The following AMZ2 variants were observed in gnomAD, a reference collection of about 807,000 sequenced individuals.
AMZ2 encodes the protein archaemetzincin-2.
Under a neutral mutation model 36.7 loss-of-function variants are expected in AMZ2, and 26 were observed. That is an observed-to-expected ratio of 0.71 (90% CI 0.52 to 0.98). AMZ2 has a LOEUF of 0.98. Ranked by LOEUF, AMZ2 falls within the 50% of genes least tolerant of loss-of-function variation. The pLI, the probability that AMZ2 is intolerant of heterozygous loss-of-function variation, is 0.00. For missense variants in AMZ2, 394 were observed against 430.5 expected, an observed-to-expected ratio of 0.92 and a Z score of 0.75; for synonymous variants, 144 against 149.1, an observed-to-expected ratio of 0.97 and a Z score of 0.25.
chr17:68,234,106 C>T (rs2073732726), intron 1 of AMZ2, among the ~76,000 whole-genome samples: 1 of 151,640 alleles, frequency 6.6e-6, no homozygotes, highest in Non-Finnish European at 1.5e-5. Context: ...CTGAGGCAGG[C>T]AGATCACCTG....
chr17:68,256,593 A>G (rs1555742888), intron 6 of AMZ2, among the ~76,000 whole-genome samples: 1 of 152,232 alleles, frequency 6.6e-6, no homozygotes, highest in Non-Finnish European at 1.5e-5. Context: ...ATCTTTTTTC[A>G]GTGCGTACTT....
At chr17:68,256,740 A>C (rs1555742955) in intron 6 of AMZ2, 74 bp from the exon 7 acceptor site, 1 of 1,503,706 alleles carries the variant, frequency 6.7e-7, no homozygotes, top group Non-Finnish European at 9.0e-7. Context: ...ATGATCTAGA[A>C]GCCAATGCTT....
intron 1 of AMZ2, among the ~76,000 whole-genome samples, chr17:68,236,473 A>T (rs546906004): frequency 2.0e-4 from 31 of 152,046 alleles, no homozygotes; most frequent in African/African-American, 7.5e-4. Context: ...GTAAATGCTC[A>T]TTGCAAAATA....
At chr17:68,226,327 G>A (rs1555729899) in intron 1 of AMZ2, among the ~76,000 whole-genome samples, 1 of 152,242 alleles carries the variant, frequency 6.6e-6, no homozygotes, top group African/African-American at 2.4e-5. Context: ...CTCTAACGTG[G>A]TTAGAATGGA....
At chr17:68,224,156 C>T (rs1305775674) in intron 1 of AMZ2, among the ~76,000 whole-genome samples, 7 of 152,228 alleles carry the variant, frequency 4.6e-5, no homozygotes, top group South Asian at 2.1e-4. Context: ...TTGGCCAGGC[C>T]GGTCTCGAAC....
chr17:68,240,447 T>C (rs1310963501), intron 1 of AMZ2, among the ~76,000 whole-genome samples: 1 of 152,006 alleles, frequency 6.6e-6, no homozygotes, highest in Admixed American at 6.6e-5. Flanking sequence ...AGAAAATAAT[T>C]GATGACCATA....
rs782014767 is a variant in AMZ2 at position 68,256,941 on chromosome 17, T to C, written c.1055T>C (p.Ile352Thr). The C allele has an allele frequency of 1.2e-6, 2 of 1,613,930 alleles. No individual in the cohort carries two copies. The highest frequency in any genetic ancestry group is 1.7e-6 in the Non-Finnish European group (2 of 1,179,968). ...TTTAAGGAATGGAAAGAGTGGATAATAAAATGCCTGGCTGTTCTCCAAAAA... is the reference window on the plus strand; with the variant it reads ...TTTAAGGAATGGAAAGAGTGGATAACAAAATGCCTGGCTGTTCTCCAAAAA... ...EAFKEWKEWI[I>T]KCLAVLQK is the part of the protein sequence containing the mutation. The change falls in exon 7 of 7, where the codon ATA (isoleucine) becomes ACA (threonine). Residue 352 changes from isoleucine (I) to threonine (T), a missense_variant. By Grantham distance (89) the Ile-to-Thr change is moderately conservative. Coordinates refer to ENST00000359904, the MANE Select transcript of AMZ2 (RefSeq NM_016627.5).
At chr17:68,206,741 A>G (rs1323822633) in intron 1 of AMZ2, 1 of 152,268 alleles carries the variant, frequency 6.6e-6, no homozygotes, top group Admixed American at 6.5e-5. Flanking sequence ...ACACAAACAC[A>G]CACAAAAACA....
chr17:68,222,658 A>G (rs2073398086), intron 1 of AMZ2, among the ~76,000 whole-genome samples: 1 of 152,220 alleles, frequency 6.6e-6, no homozygotes, highest in Non-Finnish European at 1.5e-5. Context: ...ATCATCGAGC[A>G]TTAGATTCTA....
chr17:68,248,346 C>T lies in AMZ2; in HGVS notation c.-360C>T. 1 of 986,092 alleles carries T rather than the reference C, an allele frequency of 1.0e-6. No individual in the cohort carries two copies. Among genetic ancestry groups the T allele is most frequent in the Non-Finnish European group, 1.2e-6 (1 of 830,146 alleles). 61.1% of individuals were successfully genotyped at this position (986,092 alleles called of 1,614,324 possible). ...CGAGAGTCCCTGGGGAACCCCCACTCCACTCCCAGCTGGAGACTGGGTTGT... is the reference window on the plus strand; with the variant it reads ...CGAGAGTCCCTGGGGAACCCCCACTTCACTCCCAGCTGGAGACTGGGTTGT... On this transcript the variant is annotated 5_prime_UTR_variant, in exon 1 of 7. Coordinates refer to ENST00000359904, the MANE Select transcript of AMZ2 (RefSeq NM_016627.5).
intron 1 of AMZ2, among the ~76,000 whole-genome samples, chr17:68,220,586 G>C (rs2073320648): frequency 6.6e-6 from 1 of 151,964 alleles, no homozygotes; most frequent in Admixed American, 6.6e-5. Context: ...TGGACACTTT[G>C]GGTGATAAGA....
chr17:68,248,328 C>T lies in AMZ2; in HGVS notation c.-378C>T, dbSNP rs562420622. On this transcript the variant is annotated 5_prime_UTR_variant, in exon 1 of 7. Coordinates refer to ENST00000359904, the MANE Select transcript of AMZ2 (RefSeq NM_016627.5). ...GGGGAAGAAGAGGCGAAGCGAGAGT[C>T]CCTGGGGAACCCCCACTCCACTCCC... 2.0e-6 allele frequency: 2 copies of T among 985,904 alleles called. No individual in the cohort carries two copies. The highest frequency in any genetic ancestry group is 3.5e-5 in the African/African-American group (2 of 57,244). The allele number at this position is 985,904 out of a possible 1,614,324, so 61.1% of individuals were successfully genotyped here.
At chr17:68,228,060 C>T (rs2144583040) in intron 1 of AMZ2, among the ~76,000 whole-genome samples, 1 of 152,240 alleles carries the variant, frequency 6.6e-6, no homozygotes, top group East Asian at 1.9e-4. Flanking sequence ...GCCTCCACTG[C>T]CCGTTTGCTG....
Position 68,248,172 on chromosome 17 carries a change from T to G in AMZ2, c.-534T>G, listed in dbSNP as rs1283268720. ...GGGGCCCCTAGGCAGGGTAGCCGGG[T>G]CGTAGAGGCGGGGGCCGGTCGCGGT... is the stretch of plus-strand genomic sequence containing the variant. On this transcript the variant is annotated 5_prime_UTR_variant, in exon 1 of 7. Transcript: ENST00000359904. The G allele has an allele frequency of 1.1e-5, 11 of 985,938 alleles. No homozygotes were observed. The East Asian group carries it at 1.0e-3, about 92-fold the overall frequency. The allele number at this position is 985,938 out of a possible 1,614,324, so 61.1% of individuals were successfully genotyped here.
chr17:68,251,265 G>A (rs2074448413), intron 4 of AMZ2, 87 bp downstream of exon 4: 7 of 1,387,350 alleles, frequency 5.0e-6, no homozygotes, highest in Admixed American at 2.3e-5. Context: ...TTCCAACCAA[G>A]AATCATATTG....
chr17:68,242,597 G>T (rs1479084065), intron 1 of AMZ2, among the ~76,000 whole-genome samples: 1 of 152,088 alleles, frequency 6.6e-6, no homozygotes, highest in Non-Finnish European at 1.5e-5. Flanking sequence ...TTTTTTAGTA[G>T]AGATGGGGTT....
chr17:68,209,628 A>ATTTTTTTTTTTTTTTTT (rs1322446681), intron 1 of AMZ2, among the ~76,000 whole-genome samples: 8 of 98,502 alleles, frequency 8.1e-5, no homozygotes, highest in African/African-American at 4.0e-4. Flanking sequence ...ATATATATAT[A>ATTTTTTTTTTTTTTTTT]TATATTTTTT....
rs781854202 is a variant in AMZ2, at chr17:68,250,401, C to G, written c.214C>G (p.Gln72Glu). 1 of 1,614,216 alleles carries G rather than the reference C, an allele frequency of 6.2e-7. No individual in the cohort carries two copies. The highest frequency in any genetic ancestry group is 1.1e-5 in the South Asian group (1 of 91,080). ...SHPEAPQDFEQFFSDPYRKTP... is the reference protein window; with the variant it reads ...SHPEAPQDFEEFFSDPYRKTP... ...CCCTGAGGCTCCCCAAGACTTTGAA[C>G]AGTTCTTCAGTGATCCTTACAGAAA... The change falls in exon 2 of 7, where the codon CAG becomes GAG. Residue 72 changes from glutamine to glutamate, a missense_variant. Coordinates refer to ENST00000359904, the MANE Select transcript of AMZ2 (RefSeq NM_016627.5).
At chr17:68,231,956 T>C (rs1555731343) in intron 1 of AMZ2, among the ~76,000 whole-genome samples, 2 of 151,810 alleles carry the variant, frequency 1.3e-5, no homozygotes, top group East Asian at 3.9e-4. Flanking sequence ...GAAATTCTGA[T>C]GTGACTGAGA....
Sources: allele counts gnomAD v4.1 joint callset (sites outside exome capture counted in the v4.1 genomes callset), GRCh38; gene constraint gnomAD v4.1.1; transcripts MANE v1.5; gene names NCBI Gene and HGNC (gene_info 2026-07-23, HGNC 2026-07-21).